Variants in NTNG2 observed in about 807,000 individuals in gnomAD.
NTNG2 encodes the protein netrin G2.
In NTNG2, 15 loss-of-function variants were observed where a neutral mutation model predicts 47.6. That is an observed-to-expected ratio of 0.32 (90% CI 0.21 to 0.49). The LOEUF is 0.49. Among genes scored for constraint, NTNG2 ranks in the 20% least tolerant of loss-of-function variants. The pLI, the probability that NTNG2 is intolerant of heterozygous loss-of-function variation, is 0.99. For synonymous variants in NTNG2, 307 were observed against 324.6 expected, an observed-to-expected ratio of 0.95 and a Z score of 0.58; for missense variants, 578 against 764.6, an observed-to-expected ratio of 0.76 and a Z score of 2.88.
intron 3 of NTNG2, among the ~76,000 whole-genome samples, chr9:132,201,320 C>T (rs995938187): frequency 2.6e-5 from 4 of 152,234 alleles, no homozygotes; most frequent in Non-Finnish European, 4.4e-5. Flanking sequence ...CCAGCCTCTG[C>T]GGGCGGCGGG....
At chr9:132,185,007 G>T (rs1484807046) in intron 2 of NTNG2, among the ~76,000 whole-genome samples, 8 of 152,172 alleles carry the variant, frequency 5.3e-5, no homozygotes, top group African/African-American at 1.9e-4. Flanking sequence ...AGAAGGGGAA[G>T]GCGCTGGGGC....
rs750071151 is a variant in NTNG2 at position 132,167,035 on chromosome 9, C to T, written c.204C>T (p.Phe68=). The T allele has an allele frequency of 1.4e-5, 23 of 1,614,058 alleles. No homozygotes were observed. In the Middle Eastern group the frequency reaches 4.9e-4, roughly 35 times the overall value. ...CATGTGGAGACCCCCCTGAGAGGTT[C>T]TGCTCCCATGTAAGTCCACTTACTG... is the stretch of plus-strand genomic sequence containing the variant. The part of the protein sequence containing the change: ...GITCGDPPER[F]CSHENPYLCS... Residue 68 remains phenylalanine, a synonymous_variant, in exon 2 of 8, where the codon TTC becomes TTT. Coordinates refer to ENST00000393229, the MANE Select transcript of NTNG2 (RefSeq NM_032536.4).
intron 2 of NTNG2, among the ~76,000 whole-genome samples, chr9:132,175,206 G>C (rs1166170688): frequency 1.3e-5 from 2 of 152,174 alleles, no homozygotes; most frequent in Non-Finnish European, 2.9e-5. Context: ...GCCCCTGTAG[G>C]TCTGTTACTG....
At chr9:132,173,043 A>C (rs971519553) in intron 2 of NTNG2, among the ~76,000 whole-genome samples, 1 of 152,104 alleles carries the variant, frequency 6.6e-6, no homozygotes, top group Non-Finnish European at 1.5e-5. Flanking sequence ...CTGAGTCTTG[A>C]AGGAAAAACT....
intron 2 of NTNG2, 149 bp downstream of exon 2, chr9:132,167,193 G>A (rs3813389): frequency 0.015 from 11,519 of 778,944 alleles, 473 homozygotes; most frequent in East Asian, 0.099. Context: ...ACCTGGACCA[G>A]GTCTTTGTCC....
chr9:132,236,900 G>A lies in NTNG2; in HGVS notation c.1055-2204G>A, dbSNP rs1450574636. Among the ~76,000 whole-genome samples, 1 of 152,226 alleles carries A rather than the reference G, an allele frequency of 6.6e-6. No individual in the cohort carries two copies. The highest frequency in any genetic ancestry group is 2.4e-5 in the African/African-American group (1 of 41,462). On this transcript the variant is annotated intron_variant, in intron 5 of 7. Coordinates refer to ENST00000393229, the MANE Select transcript of NTNG2 (RefSeq NM_032536.4). The surrounding 1 kb of genome is among the most constrained non-coding windows in gnomAD (Gnocchi z 4.3). Reference sequence around the variant, plus strand: ...CAGGGACAGCGAAGGATTCACTTCGGCTGGAGCAGGAAGAGTGTTTCAGAA... The same window carrying A: ...CAGGGACAGCGAAGGATTCACTTCGACTGGAGCAGGAAGAGTGTTTCAGAA...
Position 132,202,114 on chromosome 9 carries a change from G to A in NTNG2, c.857+3505G>A, listed in dbSNP as rs184885411. ...TGACTTGAGCCCACCTGGAGCTCAG[G>A]TAGCCTGTATGATGGAGCGATCCCA... On this transcript the variant is annotated intron_variant, in intron 3 of 7. Coordinates refer to ENST00000393229, the MANE Select transcript of NTNG2 (RefSeq NM_032536.4). Among the ~76,000 whole-genome samples the A allele has an allele frequency of 5.5e-3, 833 of 152,320 alleles. 11 individuals are homozygous for A. The highest frequency in any genetic ancestry group is 0.042 in the South Asian group (203 of 4,822).
chr9:132,204,976 A>C (rs2017214216), intron 3 of NTNG2, among the ~76,000 whole-genome samples: 2 of 152,308 alleles, frequency 1.3e-5, no homozygotes, highest in South Asian at 4.1e-4. Flanking sequence ...AAAAATAACA[A>C]GTGTTGGCAA....
chr9:132,186,266 G>A (rs1837377374), intron 2 of NTNG2, among the ~76,000 whole-genome samples: 1 of 152,194 alleles, frequency 6.6e-6, no homozygotes, highest in East Asian at 1.9e-4. Context: ...GTCGCCTGTG[G>A]GGTGCCCCAG....
At chr9:132,170,607 C>T (rs1345171472) in intron 2 of NTNG2, among the ~76,000 whole-genome samples, 6 of 152,178 alleles carry the variant, frequency 3.9e-5, no homozygotes, top group Non-Finnish European at 5.9e-5. Context: ...ACGTCTCCCG[C>T]CAGCCACCTG....
At chr9:132,238,279 C>T (rs1841764810) in intron 5 of NTNG2, among the ~76,000 whole-genome samples, 1 of 152,182 alleles carries the variant, frequency 6.6e-6, no homozygotes, top group African/African-American at 2.4e-5. Flanking sequence ...GAGCCTTGCC[C>T]CAGGCAGTCA....
rs1211146759 is a variant in NTNG2, at chr9:132,198,201, T to C, written c.449T>C (p.Val150Ala). 1 of 1,613,394 alleles carries C rather than the reference T, an allele frequency of 6.2e-7. No homozygotes were observed. Among genetic ancestry groups the C allele is most frequent in the Non-Finnish European group, 8.5e-7 (1 of 1,180,034 alleles). Reference sequence around the variant, plus strand: ...GAGTACGGCCGGCCCACGGTCATGGTCCTGGAGAAGTCCCTGGACAACGGG... The same window carrying C: ...GAGTACGGCCGGCCCACGGTCATGGCCCTGGAGAAGTCCCTGGACAACGGG... ...TFEYGRPTVM[V>A]LEKSLDNGRT... The change falls in exon 3 of 8, where the codon GTC becomes GCC. Residue 150 changes from valine (V) to alanine (A), a missense_variant. Physicochemically the swap from Val to Ala is moderately conservative, Grantham distance 64. Coordinates refer to ENST00000393229, the MANE Select transcript of NTNG2 (RefSeq NM_032536.4).
At chr9:132,235,250 T>A (rs1050652896) in intron 5 of NTNG2, among the ~76,000 whole-genome samples, 2 of 152,234 alleles carry the variant, frequency 1.3e-5, no homozygotes, top group African/African-American at 4.8e-5. Flanking sequence ...CCGGAACACA[T>A]GTCCCACTTC....
At chr9:132,235,059 C>T (rs1841519446) in intron 5 of NTNG2, among the ~76,000 whole-genome samples, 1 of 152,138 alleles carries the variant, frequency 6.6e-6, no homozygotes, top group South Asian at 2.1e-4. Context: ...ACGGGCTGAG[C>T]GTTGTGTCAC....
At chr9:132,185,843 A>G (rs111353478) in intron 2 of NTNG2, among the ~76,000 whole-genome samples, 1 of 130,470 alleles carries the variant, frequency 7.7e-6, no homozygotes, top group Non-Finnish European at 1.6e-5. Context: ...GAGGAGTGGG[A>G]GGAGGAGGAG....
rs1012294148 is a variant in NTNG2 at position 132,243,234 on chromosome 9, T to A, written c.*1123T>A. 7.2e-5 allele frequency: 11 copies of A among 152,252 alleles called. No individual in the cohort carries two copies. Among genetic ancestry groups the A allele is most frequent in the Admixed American group, 5.9e-4 (9 of 15,286 alleles). 9.4% of individuals were successfully genotyped at this position (152,252 alleles called of 1,614,324 possible). A position where few individuals can be genotyped will look rare whatever the true frequency, so the allele number is the denominator to read the frequency against. On this transcript the variant is annotated 3_prime_UTR_variant, in exon 8 of 8. Transcript: ENST00000393229. ...TCCGATGGATGTGTCATCTCAGACC[T>A]GTTGCAGCCGGAGCCTCAAGTCCAA...
chr9:132,187,598 G>GAGA (rs1423114327), intron 2 of NTNG2, among the ~76,000 whole-genome samples: 2 of 140,468 alleles, frequency 1.4e-5, no homozygotes, highest in Non-Finnish European at 3.1e-5. Flanking sequence ...AGAGAGAGAG[G>GAGA]GACAGAAAAC....
At position 132,236,588 on chromosome 9, in the gene NTNG2, T is replaced by C. The variant is rs1841644117; in HGVS notation, c.1055-2516T>C. ...CTCTACTGGCAGGAAGCTCTGGCGC[T>C]GGAAGCATGTTTAGAGAGGGTCTGA... On this transcript the variant is annotated intron_variant, in intron 5 of 7. Coordinates refer to ENST00000393229, the MANE Select transcript of NTNG2 (RefSeq NM_032536.4). The surrounding 1 kb of genome is among the most constrained non-coding windows in gnomAD (Gnocchi z 4.3). 6.6e-6 allele frequency among the ~76,000 whole-genome samples: 1 copy of C among 152,192 alleles called. No individual in the cohort carries two copies. Among genetic ancestry groups the C allele is most frequent in the Non-Finnish European group, 1.5e-5 (1 of 68,024 alleles).
At chr9:132,195,361 C>T (rs1158244636) in intron 2 of NTNG2, among the ~76,000 whole-genome samples, 9 of 151,858 alleles carry the variant, frequency 5.9e-5, no homozygotes, top group African/African-American at 1.7e-4. Flanking sequence ...CAGGCTGGAG[C>T]GCAGTGGCGC....
Sources: gnomAD v4.1 joint callset for allele counts (sites outside exome capture counted in the v4.1 genomes callset) on GRCh38, gnomAD v4.1.1 for gene constraint, Gnocchi (gnomAD v3.1) non-coding constraint, MANE v1.5 for transcripts, NCBI Gene and HGNC (gene_info 2026-07-23, HGNC 2026-07-21) for gene names.